The following ASZ1 variants were observed in gnomAD, a reference collection of about 807,000 sequenced individuals.
ASZ1 encodes ankyrin repeat, SAM and basic leucine zipper domain containing 1.
A neutral mutation model predicts 61.8 loss-of-function variants in ASZ1; 67 were observed. That is an observed-to-expected ratio of 1.08 (90% CI 0.89 to 1.33). The LOEUF is 1.33. Ranked by LOEUF, ASZ1 falls within the 40% of genes most tolerant of loss-of-function variation. The pLI is 0.00. For synonymous variants in ASZ1, 193 were observed against 192.7 expected, an observed-to-expected ratio of 1.00 and a Z score of -0.01; for missense variants, 577 against 554.5, an observed-to-expected ratio of 1.04 and a Z score of -0.41.
Position 117,370,804 on chromosome 7 carries a change from TTGTGTG to T in ASZ1, c.1056-2093_1056-2088del, listed in dbSNP as rs3138784. Among the ~76,000 whole-genome samples the T allele has an allele frequency of 4.6e-3, 615 of 133,290 alleles. 2 individuals are homozygous for T. Among genetic ancestry groups the T allele is most frequent in the Middle Eastern group, 0.035 (9 of 256 alleles). The allele number at this position is 133,290 out of a possible 152,430, so 87.4% of individuals were successfully genotyped here. Reference sequence around the variant, plus strand: ...ATTACTATTATTGGACCAAAGGTAATTGTGTGTGTGTGTGTGTGTGTGTGTGTGTGT... The same window carrying T: ...ATTACTATTATTGGACCAAAGGTAATTGTGTGTGTGTGTGTGTGTGTGTGT... On this transcript the variant is annotated intron_variant, in intron 10 of 12. Transcript: ENST00000284629.
intron 4 of ASZ1, among the ~76,000 whole-genome samples, chr7:117,388,376 A>G (rs1796399670): frequency 6.6e-6 from 1 of 152,138 alleles, no homozygotes; most frequent in African/African-American, 2.4e-5. Flanking sequence ...ATAAACCAAT[A>G]ATCTTCACTG....
chr7:117,424,641 G>T (rs1284072622), intron 2 of ASZ1, among the ~76,000 whole-genome samples: 2 of 152,284 alleles, frequency 1.3e-5, no homozygotes, highest in African/African-American at 2.4e-5. Context: ...TCCTTCAAAA[G>T]CCTCTATCAC....
At chr7:117,402,382 GC>G (rs1359743154) in intron 4 of ASZ1, among the ~76,000 whole-genome samples, 1 of 152,150 alleles carries the variant, frequency 6.6e-6, no homozygotes, top group African/African-American at 2.4e-5. Flanking sequence ...AGCACTGGGA[GC>G]CCCTTTGTCA....
chr7:117,425,690 A>T (rs1797190598), intron 2 of ASZ1, among the ~76,000 whole-genome samples: 1 of 152,030 alleles, frequency 6.6e-6, no homozygotes, highest in Admixed American at 6.5e-5. Flanking sequence ...GCTTTACATA[A>T]AGAAACTGAT....
chr7:117,408,100 G>A (rs909695613), intron 4 of ASZ1, among the ~76,000 whole-genome samples: 3 of 151,994 alleles, frequency 2.0e-5, no homozygotes, highest in Non-Finnish European at 2.9e-5. Context: ...TAAATCATTC[G>A]CCATTGGTAA....
In ASZ1 at chr7:117,383,016, T is replaced by C; in HGVS notation, c.782A>G (p.Asp261Gly). 1 of 1,589,196 alleles carries C rather than the reference T, an allele frequency of 6.3e-7. No individual in the cohort carries two copies. The highest frequency in any genetic ancestry group is 8.5e-7 in the Non-Finnish European group (1 of 1,169,808). ...EDTICKILTT[D>G]SDREKDHIFS... ...AATGTGATCTTTTTCTCTATCAGAA[T>C]CTGTTGTCAATATTTTACAAATAGT... Residue 261 changes from aspartate (D) to glycine (G), a missense_variant, in exon 7 of 13, where the codon GAT becomes GGT. Physicochemically the swap from Asp to Gly is moderately conservative, Grantham distance 94 (BLOSUM62 -1). Transcript: ENST00000284629.
At chr7:117,372,508 G>A (rs1307258147) in intron 10 of ASZ1, among the ~76,000 whole-genome samples, 1 of 152,230 alleles carries the variant, frequency 6.6e-6, no homozygotes, top group East Asian at 1.9e-4. Flanking sequence ...AGACGATCAG[G>A]AAATAAAGTC....
intron 6 of ASZ1, among the ~76,000 whole-genome samples, chr7:117,383,858 T>G (rs7357267): frequency 0.5 from 76,415 of 151,786 alleles, 20,751 homozygotes; most frequent in African/African-American, 0.71. Flanking sequence ...AAATTCCTTT[T>G]TGAAATTCTA....
intron 4 of ASZ1, among the ~76,000 whole-genome samples, chr7:117,418,824 G>A (rs1193827060): frequency 6.6e-6 from 1 of 151,912 alleles, no homozygotes; most frequent in East Asian, 1.9e-4. Context: ...AGCCAACTGT[G>A]GTAGTGTGTG....
At chr7:117,422,148 C>T (rs1325628340) in intron 3 of ASZ1, 89 bp downstream of exon 3, 2 of 1,421,156 alleles carry the variant, frequency 1.4e-6, no homozygotes, top group Non-Finnish European at 1.9e-6. Context: ...CTTCAAATGG[C>T]TTTAGTTTTT....
intron 5 of ASZ1, 64 bp from the exon 6 acceptor site, chr7:117,384,924 A>C (rs1796320438): frequency 7.3e-7 from 1 of 1,360,832 alleles, no homozygotes; most frequent in Non-Finnish European, 9.8e-7. Flanking sequence ...AGACAGGAAA[A>C]GTTTTCAACA....
chr7:117,426,879 C>T lies in ASZ1; in HGVS notation c.162G>A (p.Met54Ile), dbSNP rs868056729. The change falls in exon 2 of 13, where the codon ATG becomes ATA. Residue 54 changes from methionine (M) to isoleucine (I), a missense_variant. Coordinates refer to ENST00000284629, the MANE Select transcript of ASZ1 (RefSeq NM_130768.3). ...GGACCAATGAAACATCTCCGATGGT[C>T]ATTGCTTTCTTAAATTTTTCTTTCT... ...EEKKEKFKKAMTIGDVSLVQE... is the reference protein window; with the variant it reads ...EEKKEKFKKAITIGDVSLVQE... The T allele has an allele frequency of 6.2e-7, 1 of 1,613,328 alleles. No individual in the cohort carries two copies. The highest frequency in any genetic ancestry group is 8.5e-7 in the Non-Finnish European group (1 of 1,179,850).
chr7:117,397,054 A>G (rs1344037058), intron 4 of ASZ1, among the ~76,000 whole-genome samples: 1 of 151,586 alleles, frequency 6.6e-6, no homozygotes, highest in African/African-American at 2.4e-5. Flanking sequence ...TATTTAATTT[A>G]ATAACAATAA....
At chr7:117,385,648 T>C (rs1237007526) in intron 5 of ASZ1, 50 bp downstream of exon 5, 2 of 1,422,780 alleles carry the variant, frequency 1.4e-6, no homozygotes, top group Non-Finnish European at 2.0e-6. Flanking sequence ...TTTTTGTAGA[T>C]TACTGATAAT....
At chr7:117,383,152 T>C (rs1415551679) in intron 6 of ASZ1, 42 bp from the exon 7 acceptor site, 1 of 1,453,218 alleles carries the variant, frequency 6.9e-7, no homozygotes, top group African/African-American at 1.5e-5. Context: ...TAACATTGCA[T>C]ACTGTAACTT....
At chr7:117,413,692 C>A (rs1796939598) in intron 4 of ASZ1, among the ~76,000 whole-genome samples, 1 of 151,788 alleles carries the variant, frequency 6.6e-6, no homozygotes, top group Non-Finnish European at 1.5e-5. Context: ...AATAAAAGAA[C>A]AAAGTGGTTC....
rs138589646 is a variant in ASZ1, at chr7:117,398,972, T to C, written c.441-13163A>G. On this transcript the variant is annotated intron_variant, in intron 4 of 12. Transcript: ENST00000284629. Reference sequence around the variant, plus strand: ...GGCTGGGCGCAGTGGCTCAAACCTGTAGTATCAGCATTTTGGGAGGTCAAG... The same window carrying C: ...GGCTGGGCGCAGTGGCTCAAACCTGCAGTATCAGCATTTTGGGAGGTCAAG... 3.4e-3 allele frequency among the ~76,000 whole-genome samples: 517 copies of C among 152,322 alleles called. 4 individuals are homozygous for C. The highest frequency in any genetic ancestry group is 0.012 in the African/African-American group (498 of 41,576).
chr7:117,402,473 T>C (rs1379730456), intron 4 of ASZ1, among the ~76,000 whole-genome samples: 1 of 152,178 alleles, frequency 6.6e-6, no homozygotes, highest in African/African-American at 2.4e-5. Flanking sequence ...CCCCCTTCCA[T>C]AGTTGGGACT....
chr7:117,374,074 A>T (rs1372462490), intron 10 of ASZ1, among the ~76,000 whole-genome samples: 1 of 152,082 alleles, frequency 6.6e-6, no homozygotes, highest in Non-Finnish European at 1.5e-5. Context: ...TAATATGGGG[A>T]TATATTAAGG....
Sources: allele counts gnomAD v4.1 joint callset (sites outside exome capture counted in the v4.1 genomes callset), GRCh38; gene constraint gnomAD v4.1.1; transcripts MANE v1.5; gene names NCBI Gene and HGNC (gene_info 2026-07-23, HGNC 2026-07-21).